The following HNRNPC variants were observed in gnomAD, a reference collection of about 807,000 sequenced individuals.
The protein encoded by HNRNPC is heterogeneous nuclear ribonucleoprotein C.
Under a neutral mutation model 33.2 loss-of-function variants are expected in HNRNPC, and 3 were observed. That is an observed-to-expected ratio of 0.09 (90% confidence interval 0.04 to 0.23). The LOEUF (loss-of-function observed/expected upper bound fraction) is 0.23, where lower values mean the gene tolerates loss of function less well. Among genes scored for constraint, HNRNPC ranks in the 10% least tolerant of loss-of-function variants. HNRNPC has a pLI of 1.00. For synonymous variants in HNRNPC, 121 were observed against 126.7 expected (o/e 0.96, Z 0.30); for missense variants, 143 against 366.7 (o/e 0.39, Z 4.98).
At chr14:21,211,603 A>C (rs149460563) in intron 7 of HNRNPC, 37 bp from the exon 8 acceptor site, 2 of 1,582,514 alleles carry the variant, frequency 1.3e-6, no homozygotes, top group South Asian at 2.3e-5. Context: ...TAGGGGCAGT[A>C]ATGTCCACAG....
intron 3 of HNRNPC, among the ~76,000 whole-genome samples, chr14:21,233,182 T>C (rs970124164): frequency 6.6e-6 from 1 of 152,226 alleles, no homozygotes; most frequent in African/African-American, 2.4e-5. Flanking sequence ...ATTAAATTTC[T>C]GAAAAAGCAA....
At chr14:21,227,271 A>G (rs1490503883) in intron 5 of HNRNPC, among the ~76,000 whole-genome samples, 2 of 151,508 alleles carry the variant, frequency 1.3e-5, no homozygotes, top group Non-Finnish European at 2.9e-5. Flanking sequence ...TCAATTCCTC[A>G]ATTCTCCAAC....
chr14:21,231,076 A>T lies in HNRNPC; in HGVS notation c.242-4T>A, dbSNP rs749606927. On this transcript the variant is annotated splice_region_variant and splice_polypyrimidine_tract_variant and intron_variant, in intron 3 of 8. Coordinates refer to ENST00000553300, the MANE Select transcript of HNRNPC (RefSeq NM_004500.4). ...GGCTCTGCAGCCAGGTTAATATCTGAAAAACAAAAGTAAAAATGTTAATGA... is the reference window on the plus strand; with the variant it reads ...GGCTCTGCAGCCAGGTTAATATCTGTAAAACAAAAGTAAAAATGTTAATGA... 4.3e-6 allele frequency: 7 copies of T among 1,610,500 alleles called. No homozygotes were observed. In the African/African-American group the frequency reaches 8.0e-5, roughly 18 times the overall value.
intron 5 of HNRNPC, among the ~76,000 whole-genome samples, chr14:21,226,559 T>C (rs1893462026): frequency 6.9e-6 from 1 of 144,446 alleles, no homozygotes. Context: ...CGCCTTCAAA[T>C]GAATATTAAA....
intron 2 of HNRNPC, among the ~76,000 whole-genome samples, chr14:21,245,993 G>A (rs1341294296): frequency 1.3e-5 from 2 of 152,000 alleles, no homozygotes; most frequent in Non-Finnish European, 1.5e-5. Flanking sequence ...ACACAGATGT[G>A]CACCACCACG....
chr14:21,245,084 C>CAAAAAAAAAAAAAAAAAAAAA (rs71112560), intron 2 of HNRNPC, among the ~76,000 whole-genome samples: 1 of 54,606 alleles, frequency 1.8e-5, no homozygotes, highest in African/African-American at 6.5e-5. Context: ...GACTCCATCT[C>CAAAAAAAAAAAAAAAAAAAAA]AAAAAAAAAA....
At chr14:21,249,380 GCCTGACCAACATGGTGAAAC>G (rs1896355016) in intron 2 of HNRNPC, among the ~76,000 whole-genome samples, 1 of 149,562 alleles carries the variant, frequency 6.7e-6, no homozygotes, top group Non-Finnish European at 1.5e-5. Flanking sequence ...TTTGAGACCA[GCCTGACCAACATGGTGAAAC>G]CCTATCTCTA....
chr14:21,211,477 C>A lies in HNRNPC; in HGVS notation c.727G>T (p.Gly243Cys). 6.2e-7 allele frequency: 1 copy of A among 1,612,596 alleles called. No homozygotes were observed. The highest frequency in any genetic ancestry group is 8.5e-7 in the Non-Finnish European group (1 of 1,179,172). The change falls in exon 8 of 9, where the codon GGT becomes TGT. Residue 243 changes from glycine to cysteine, a missense_variant. Gly to Cys is a radical substitution (Grantham distance 159). This residue lies in a region of HNRNPC where 131 missense variants were observed against 253.0 expected (regional missense o/e 0.52). Transcript: ENST00000553300. The stretch of plus-strand genomic sequence containing the variant: ...CCCTCCTCAGCAGAGTCATCTGCAC[C>A]CCCCTCAGACTCCATCTTCACATTA... ...ETNVKMESEG[G>C]ADDSAEEGDL...
chr14:21,211,330 G>A (rs1204530680), intron 8 of HNRNPC, 24 bp from the exon 9 acceptor site: 12 of 1,613,422 alleles, frequency 7.4e-6, no homozygotes, highest in Middle Eastern at 1.6e-4. Context: ...ACACAAACAG[G>A]ATGGAGTTAG....
intron 2 of HNRNPC, among the ~76,000 whole-genome samples, chr14:21,245,115 G>GA (rs908507186): frequency 6.3e-4 from 90 of 142,630 alleles, no homozygotes; most frequent in African/African-American, 2.2e-3. Context: ...AAGCAAAAGA[G>GA]AAAACAAGGG....
At chr14:21,246,484 T>C (rs922907047) in intron 2 of HNRNPC, among the ~76,000 whole-genome samples, 2 of 150,366 alleles carry the variant, frequency 1.3e-5, no homozygotes, top group Non-Finnish European at 3.0e-5. Context: ...GAAAATGGCG[T>C]GAACCCGGGA....
intron 2 of HNRNPC, among the ~76,000 whole-genome samples, chr14:21,235,167 T>G (rs1894551372): frequency 6.6e-6 from 1 of 152,180 alleles, no homozygotes; most frequent in East Asian, 1.9e-4. Flanking sequence ...GCGAAAATGT[T>G]TTATTTCATT....
intron 5 of HNRNPC, among the ~76,000 whole-genome samples, chr14:21,218,681 C>CAAAA (rs71112557): frequency 0.043 from 2,220 of 51,188 alleles, 416 homozygotes; most frequent in Non-Finnish European, 0.051. Flanking sequence ...AACTCTCTCT[C>CAAAA]AAAAAAAAAA....
At chr14:21,217,829 GC>G (rs1892355806) in intron 5 of HNRNPC, among the ~76,000 whole-genome samples, 4 of 152,114 alleles carry the variant, frequency 2.6e-5, no homozygotes, top group African/African-American at 9.7e-5. Flanking sequence ...ATGAAATGTT[GC>G]ATATTAAGGG....
chr14:21,253,484 AAGAT>A lies in HNRNPC; in HGVS notation c.-37+9823_-37+9826del, dbSNP rs1349603989. The stretch of plus-strand genomic sequence containing the variant: ...CTCAAAAAAAAAAAAAAAAAAAAAA[AAGAT>A]AGCACCAAAGATGTGCATGCACCTG... On this transcript the variant is annotated intron_variant, in intron 2 of 8. Transcript: ENST00000553300. Among the ~76,000 whole-genome samples the A allele has an allele frequency of 7.2e-3, 1,023 of 141,350 alleles. 7 individuals carry two copies. Among genetic ancestry groups the A allele is most frequent in the Non-Finnish European group, 0.011 (730 of 64,374 alleles). 92.7% of individuals were successfully genotyped at this position (141,350 alleles called of 152,430 possible).
At chr14:21,250,146 G>A (rs749478039) in intron 2 of HNRNPC, among the ~76,000 whole-genome samples, 1 of 151,904 alleles carries the variant, frequency 6.6e-6, no homozygotes, top group Non-Finnish European at 1.5e-5. Flanking sequence ...CAGGCTACTC[G>A]GGAGGCCAAG....
chr14:21,251,988 A>T (rs1226447527), intron 2 of HNRNPC, among the ~76,000 whole-genome samples: 2 of 152,226 alleles, frequency 1.3e-5, no homozygotes, highest in Non-Finnish European at 2.9e-5. Flanking sequence ...AATAATTTTT[A>T]ACAAGGATAT....
intron 5 of HNRNPC, among the ~76,000 whole-genome samples, chr14:21,214,286 A>G (rs1036813692): frequency 7.2e-5 from 11 of 152,170 alleles, no homozygotes; most frequent in Non-Finnish European, 1.5e-4. Flanking sequence ...TCTCCCTCTT[A>G]TATATATACA....
chr14:21,255,677 T>A (rs985225381), intron 2 of HNRNPC, among the ~76,000 whole-genome samples: 1 of 152,248 alleles, frequency 6.6e-6, no homozygotes, highest in Non-Finnish European at 1.5e-5. Context: ...ATTATAATAG[T>A]CTTAAGCACA....
Sources: gnomAD v4.1 joint callset for allele counts (sites outside exome capture counted in the v4.1 genomes callset) on GRCh38, gnomAD v4.1.1 for gene constraint, gnomAD v4.1.1 regional missense constraint, MANE v1.5 for transcripts, NCBI Gene and HGNC (gene_info 2026-07-23, HGNC 2026-07-21) for gene names.